The following ZNF428 variants were observed in gnomAD, a reference collection of about 807,000 sequenced individuals.
The protein encoded by ZNF428 is zinc finger protein 428.
In ZNF428, 5 loss-of-function variants were observed where a neutral mutation model predicts 15.6. That is an observed-to-expected ratio of 0.32 (90% CI 0.17 to 0.67). ZNF428 has a LOEUF of 0.67. Ranked by LOEUF, ZNF428 falls within the 30% of genes least tolerant of loss-of-function variation. The pLI is 0.73. For missense variants in ZNF428, 237 were observed against 256.0 expected (o/e 0.93, Z 0.51); for synonymous variants, 97 against 102.2 (o/e 0.95, Z 0.31).
At chr19:43,618,168 G>A (rs572553348) in intron 1 of ZNF428, among the ~76,000 whole-genome samples, 14 of 151,638 alleles carry the variant, frequency 9.2e-5, no homozygotes, top group Non-Finnish European at 1.6e-4. Flanking sequence ...CCGAGTAGCT[G>A]GGACTACAGG....
In ZNF428 at chr19:43,607,539, A is replaced by C; in HGVS notation, c.*78T>G. The C allele has an allele frequency of 1.8e-5, 26 of 1,459,668 alleles. No individual in the cohort carries two copies. The highest frequency in any genetic ancestry group is 1.8e-4 in the Middle Eastern group (1 of 5,502). 90.4% of individuals were successfully genotyped at this position (1,459,668 alleles called of 1,614,324 possible). On this transcript the variant is annotated 3_prime_UTR_variant, in exon 3 of 3. Transcript: ENST00000300811. This position sits in a 1 kb window ranked among gnomAD's most constrained non-coding sequence, Gnocchi z 5.1. Reference sequence around the variant, plus strand: ...CGGCAGTACCCCATCCCCCATGACCACTGTCACAACCCCAATTTCCTCAGC... The same window carrying C: ...CGGCAGTACCCCATCCCCCATGACCCCTGTCACAACCCCAATTTCCTCAGC...
At chr19:43,613,714 A>T in intron 2 of ZNF428, 1 of 1,551,480 alleles carries the variant, frequency 6.4e-7, no homozygotes. Context: ...GCAAGGAGAG[A>T]CAGCGCAGAC....
intron 1 of ZNF428, among the ~76,000 whole-genome samples, chr19:43,617,501 T>A (rs1973383175): frequency 6.6e-6 from 1 of 152,164 alleles, no homozygotes; most frequent in African/African-American, 2.4e-5. Flanking sequence ...AAAGGACCAT[T>A]GGCATCATTG....
intron 1 of ZNF428, among the ~76,000 whole-genome samples, chr19:43,615,548 A>G (rs1367240738): frequency 6.6e-6 from 1 of 151,734 alleles, no homozygotes; most frequent in African/African-American, 2.4e-5. Flanking sequence ...AAAAAAAAAA[A>G]TTACAAAAGT....
chr19:43,615,991 C>G (rs1973368359), intron 1 of ZNF428, among the ~76,000 whole-genome samples: 1 of 152,126 alleles, frequency 6.6e-6, no homozygotes, highest in Non-Finnish European at 1.5e-5. Context: ...GACCAACAAT[C>G]AAGAAGGTGG....
rs372825538 is a variant in ZNF428 at position 43,613,719 on chromosome 19, G to A, written c.76+510C>T. ...AGAAGCCCCAGCAAGGAGAGACAGC[G>A]CAGACAATCTAGAAGCCCCAACAAG... On this transcript the variant is annotated intron_variant, in intron 2 of 2. Coordinates refer to ENST00000300811, the MANE Select transcript of ZNF428 (RefSeq NM_182498.4). The A allele has an allele frequency of 1.1e-4, 169 of 1,544,978 alleles. No homozygotes were observed. The African/African-American group carries it at 1.2e-3, about 11-fold the overall frequency.
chr19:43,613,279 G>A, intron 2 of ZNF428: 1 of 1,551,628 alleles, frequency 6.4e-7, no homozygotes. Context: ...CCAGGAAGGA[G>A]AGTGGTCGCA....
At position 43,607,829 on chromosome 19, in the gene ZNF428, C is replaced by T. The variant is rs755270094; in HGVS notation, c.355G>A (p.Ala119Thr). The T allele has an allele frequency of 6.4e-7, 1 of 1,563,608 alleles. No individual in the cohort carries two copies. The highest frequency in any genetic ancestry group is 8.7e-7 in the Non-Finnish European group (1 of 1,153,888). ...TCAGGGGCTGGTGCTTCCTGGGGGG[C>T]TGTAGCAGGGCAGCAGAGCCGGCAG... ...PPCRLCCPATAPQEAPAPEGR... is the reference protein window; with the variant it reads ...PPCRLCCPATTPQEAPAPEGR... The change falls in exon 3 of 3, where the codon GCC becomes ACC. Residue 119 changes from alanine to threonine, a missense_variant. Coordinates refer to ENST00000300811, the MANE Select transcript of ZNF428 (RefSeq NM_182498.4). The surrounding 1 kb of genome is among the most constrained non-coding windows in gnomAD (Gnocchi z 5.1).
chr19:43,618,952 T>A (rs980660478), intron 1 of ZNF428, among the ~76,000 whole-genome samples: 1 of 152,010 alleles, frequency 6.6e-6, no homozygotes, highest in Non-Finnish European at 1.5e-5. Flanking sequence ...GGTAGGGCCA[T>A]CCCTTGGTTC....
chr19:43,612,736 G>A lies in ZNF428; in HGVS notation c.76+1493C>T. The A allele has an allele frequency of 6.4e-7, 1 of 1,551,656 alleles. No homozygotes were observed. The highest frequency in any genetic ancestry group is 8.7e-7 in the Non-Finnish European group (1 of 1,147,000). On this transcript the variant is annotated intron_variant, in intron 2 of 2. Transcript: ENST00000300811. This position sits in a 1 kb window ranked among gnomAD's most constrained non-coding sequence, Gnocchi z 4.2. Reference sequence around the variant, plus strand: ...GCCCACCAGGAGGCTCAGGTATAGGGAGGAGTTCCGAGCTGGCTGTAACTC... The same window carrying A: ...GCCCACCAGGAGGCTCAGGTATAGGAAGGAGTTCCGAGCTGGCTGTAACTC...
chr19:43,607,882 A>G lies in ZNF428; in HGVS notation c.302T>C (p.Leu101Pro), dbSNP rs903496566. Residue 101 changes from leucine to proline, a missense_variant, in exon 3 of 3, where the codon CTT (leucine) becomes CCT (proline). Leu to Pro is a moderately conservative substitution (Grantham distance 98). Coordinates refer to ENST00000300811, the MANE Select transcript of ZNF428 (RefSeq NM_182498.4). The surrounding 1 kb of genome is among the most constrained non-coding windows in gnomAD (Gnocchi z 5.1). ...QPCQLCGRSP[L>P]GEAPPGTPPC... ...TGGGGTTCCCGGTGGGGCCTCCCCAAGGGGTGAGCGGCCACAGAGCTGGCA... is the reference window on the plus strand; with the variant it reads ...TGGGGTTCCCGGTGGGGCCTCCCCAGGGGGTGAGCGGCCACAGAGCTGGCA... 135 of 1,558,742 alleles carry G rather than the reference A, an allele frequency of 8.7e-5. 1 individual carries two copies. The highest frequency in any genetic ancestry group is 1.2e-4 in the Non-Finnish European group (134 of 1,151,366).
Position 43,607,674 on chromosome 19 carries a change from G to C in ZNF428, c.510C>G (p.Phe170Leu). 1 of 1,611,752 alleles carries C rather than the reference G, an allele frequency of 6.2e-7. No individual in the cohort carries two copies. ...GCCCGTGCAGCTCCCCCAGGTTGTC[G>C]AAGGAATCCTCACATTCCGTACAGT... is the stretch of plus-strand genomic sequence containing the variant. The part of the protein sequence containing the change: ...TYHCTECEDS[F>L]DNLGELHGHF... The change falls in exon 3 of 3, where the codon TTC (phenylalanine) becomes TTG (leucine). Residue 170 changes from phenylalanine (F) to leucine (L), a missense_variant. Transcript: ENST00000300811. This position sits in a 1 kb window ranked among gnomAD's most constrained non-coding sequence, Gnocchi z 5.1.
At position 43,612,250 on chromosome 19, in the gene ZNF428, C is replaced by T; in HGVS notation, c.76+1979G>A. The T allele has an allele frequency of 6.4e-7, 1 of 1,551,712 alleles. No individual in the cohort carries two copies. The highest frequency in any genetic ancestry group is 8.7e-7 in the Non-Finnish European group (1 of 1,146,988). On this transcript the variant is annotated intron_variant, in intron 2 of 2. Coordinates refer to ENST00000300811, the MANE Select transcript of ZNF428 (RefSeq NM_182498.4). The surrounding 1 kb of genome is among the most constrained non-coding windows in gnomAD (Gnocchi z 4.2). Reference sequence around the variant, plus strand: ...CCAAATCAGCAACACCCAACAGATCCTTAGTGCCCACCAAACCAGCGACAT... The same window carrying T: ...CCAAATCAGCAACACCCAACAGATCTTTAGTGCCCACCAAACCAGCGACAT...
At chr19:43,609,677 G>A (rs1973275273) in intron 2 of ZNF428, among the ~76,000 whole-genome samples, 1 of 151,904 alleles carries the variant, frequency 6.6e-6, no homozygotes, top group Non-Finnish European at 1.5e-5. Flanking sequence ...GGGAGGCGGA[G>A]GTTGCGATGA....
At chr19:43,611,402 C>T (rs770221116) in intron 2 of ZNF428, among the ~76,000 whole-genome samples, 18 of 152,096 alleles carry the variant, frequency 1.2e-4, no homozygotes, top group Non-Finnish European at 2.5e-4. Flanking sequence ...TCACTGCAAC[C>T]TCCGCCTCCA....
intron 1 of ZNF428, among the ~76,000 whole-genome samples, chr19:43,616,772 T>G (rs1370651125): frequency 6.6e-6 from 1 of 151,808 alleles, no homozygotes; most frequent in African/African-American, 2.4e-5. Context: ...CTGTGGGTCT[T>G]AGTACACCCA....
Position 43,612,568 on chromosome 19 carries a change from T to A in ZNF428, c.76+1661A>T, listed in dbSNP as rs1568534652. On this transcript the variant is annotated intron_variant, in intron 2 of 2. Transcript: ENST00000300811. This position sits in a 1 kb window ranked among gnomAD's most constrained non-coding sequence, Gnocchi z 4.2. ...CTCCTGGCAGGATAAGAACTCATGG[T>A]GCCAGACCAGGCATGGCCAGCAGGG... 1 of 1,551,264 alleles carries A rather than the reference T, an allele frequency of 6.4e-7. No individual in the cohort carries two copies. Among genetic ancestry groups the A allele is most frequent in the Non-Finnish European group, 8.7e-7 (1 of 1,146,954 alleles).
intron 2 of ZNF428, among the ~76,000 whole-genome samples, chr19:43,610,347 G>A (rs755486037): frequency 4.0e-5 from 6 of 151,794 alleles, no homozygotes; most frequent in Non-Finnish European, 5.9e-5. Context: ...TTACAGGGGC[G>A]CACCAGCATG....
Position 43,612,406 on chromosome 19 carries a change from C to T in ZNF428, c.76+1823G>A. The T allele has an allele frequency of 6.4e-7, 1 of 1,551,338 alleles. No individual in the cohort carries two copies. The highest frequency in any genetic ancestry group is 8.7e-7 in the Non-Finnish European group (1 of 1,146,912). ...AAGCAAGAACACCCAGCAGGGTGAG[C>T]ACCGACACCAGGACCAGCAAAGCCA... On this transcript the variant is annotated intron_variant, in intron 2 of 2. Transcript: ENST00000300811. The surrounding 1 kb of genome is among the most constrained non-coding windows in gnomAD (Gnocchi z 4.2).
Sources: allele counts gnomAD v4.1 joint callset (sites outside exome capture counted in the v4.1 genomes callset), GRCh38; gene constraint gnomAD v4.1.1; non-coding constraint Gnocchi (gnomAD v3.1); transcripts MANE v1.5; gene names NCBI Gene and HGNC (gene_info 2026-07-23, HGNC 2026-07-21).